Variants in FSTL4 observed in about 807,000 individuals in gnomAD.
The protein encoded by FSTL4 is follistatin like 4.
Under a neutral mutation model 78.2 loss-of-function variants are expected in FSTL4, and 28 were observed. That is an observed-to-expected ratio of 0.36 (90% CI 0.27 to 0.49). The LOEUF is 0.49. FSTL4 is among the 20% of genes least tolerant of loss of function. The pLI is 0.98. For missense variants in FSTL4, 922 were observed against 1,084.9 expected (o/e 0.85, Z 2.11); for synonymous variants, 422 against 440.5 (o/e 0.96, Z 0.53).
At chr5:133,754,675 A>T in the FSTL4 span, among the ~76,000 whole-genome samples, 2 of 152,178 alleles carry the variant, frequency 1.3e-5, no homozygotes, top group Non-Finnish European at 2.9e-5. Context: ...ATAAACACCA[A>T]GCCCAAGAGA....
chr5:133,239,175 C>T (rs1177478555), intron 7 of FSTL4, among the ~76,000 whole-genome samples: 3 of 152,176 alleles, frequency 2.0e-5, no homozygotes, highest in African/African-American at 7.2e-5. Context: ...TTAGCTGCCT[C>T]CCTGCGGGGC....
chr5:133,293,903 C>T (rs1233635405), intron 6 of FSTL4, among the ~76,000 whole-genome samples: 2 of 152,230 alleles, frequency 1.3e-5, no homozygotes, highest in South Asian at 2.1e-4. Flanking sequence ...TTGCTGTTAT[C>T]GTTCTAATCC....
the FSTL4 span, among the ~76,000 whole-genome samples, chr5:133,657,775 G>T: frequency 0.12 from 15,269 of 132,576 alleles, 852 homozygotes; most frequent in South Asian, 0.17. Context: ...TGTTTTTTTT[G>T]TTTTTTTTTT....
chr5:133,727,995 G>A, the FSTL4 span, among the ~76,000 whole-genome samples: 54 of 152,302 alleles, frequency 3.5e-4, no homozygotes, highest in African/African-American at 1.3e-3. Flanking sequence ...GGCCCTTTGT[G>A]CATATAAGGA....
Position 133,567,355 on chromosome 5 carries a change from T to C in FSTL4, c.127-136A>G, listed in dbSNP as rs573357451. On this transcript the variant is annotated intron_variant, in intron 2 of 15. Transcript: ENST00000265342. Reference sequence around the variant, plus strand: ...ACGAAGAACATGACACTGAGCAATGTTGGTCTACTAAACTCTCAACATGTA... The same window carrying C: ...ACGAAGAACATGACACTGAGCAATGCTGGTCTACTAAACTCTCAACATGTA... 189 of 703,256 alleles carry C rather than the reference T, an allele frequency of 2.7e-4. 1 individual carries two copies. The South Asian group carries it at 3.1e-3, about 11-fold the overall frequency. 43.6% of individuals were successfully genotyped at this position (703,256 alleles called of 1,614,324 possible).
intron 3 of FSTL4, among the ~76,000 whole-genome samples, chr5:133,473,532 AG>A (rs1757867887): frequency 6.6e-6 from 1 of 152,190 alleles, no homozygotes; most frequent in Admixed American, 6.5e-5. Context: ...GGGGGTCAAG[AG>A]GTTATTAGGC....
chr5:133,654,388 A>C, the FSTL4 span, among the ~76,000 whole-genome samples: 1 of 152,212 alleles, frequency 6.6e-6, no homozygotes, highest in Admixed American at 6.5e-5. Context: ...CCAAGGCATG[A>C]AACAGGGATT....
rs1351492112 is a variant in FSTL4 at position 133,361,262 on chromosome 5, T to A, written c.409+39476A>T. ...AGAGCTTTCTAATGACTTGGTATTG[T>A]CTCTGGATGAAAACCATCCTGGGAG... On this transcript the variant is annotated intron_variant, in intron 4 of 15. Coordinates refer to ENST00000265342, the MANE Select transcript of FSTL4 (RefSeq NM_015082.2). This position sits in a 1 kb window ranked among gnomAD's most constrained non-coding sequence, Gnocchi z 4.3. Among the ~76,000 whole-genome samples, 1 of 152,344 alleles carries A rather than the reference T, an allele frequency of 6.6e-6. No homozygotes were observed. Among genetic ancestry groups the A allele is most frequent in the East Asian group, 1.9e-4 (1 of 5,192 alleles).
intron 4 of FSTL4, among the ~76,000 whole-genome samples, chr5:133,395,986 C>T (rs977086105): frequency 1.3e-5 from 2 of 152,190 alleles, no homozygotes; most frequent in African/African-American, 4.8e-5. Flanking sequence ...TGGCTCCTTA[C>T]ATCTCTTAGC....
intron 12 of FSTL4, among the ~76,000 whole-genome samples, chr5:133,219,265 A>C (rs1218535303): frequency 6.6e-6 from 1 of 152,094 alleles, no homozygotes; most frequent in Non-Finnish European, 1.5e-5. Flanking sequence ...TGGTTCTCTC[A>C]TGCCACCCCC....
chr5:133,537,573 T>A (rs895830383), intron 3 of FSTL4, among the ~76,000 whole-genome samples: 1 of 152,128 alleles, frequency 6.6e-6, no homozygotes, highest in Non-Finnish European at 1.5e-5. Context: ...AATTTTCATA[T>A]TGTTTATTTC....
the FSTL4 span, among the ~76,000 whole-genome samples, chr5:133,764,970 A>G: frequency 6.6e-6 from 1 of 152,256 alleles, no homozygotes; most frequent in Non-Finnish European, 1.5e-5. Context: ...TACGTGGGGT[A>G]ACAATTTTCT....
At chr5:133,455,965 G>A (rs1757478545) in intron 3 of FSTL4, among the ~76,000 whole-genome samples, 1 of 152,258 alleles carries the variant, frequency 6.6e-6, no homozygotes, top group Non-Finnish European at 1.5e-5. Flanking sequence ...AGGTCTGACA[G>A]TCGCCGAATA....
intron 6 of FSTL4, among the ~76,000 whole-genome samples, chr5:133,288,336 A>G (rs1753184210): frequency 6.6e-6 from 1 of 152,096 alleles, no homozygotes. Flanking sequence ...GGGGTCCCCC[A>G]TGGTGGGACA....
At chr5:133,376,071 C>T (rs1349809495) in intron 4 of FSTL4, among the ~76,000 whole-genome samples, 1 of 152,200 alleles carries the variant, frequency 6.6e-6, no homozygotes, top group Non-Finnish European at 1.5e-5. Flanking sequence ...GTGCACTTGA[C>T]AAGCTGAATC....
chr5:133,274,873 A>C (rs530364988), intron 6 of FSTL4, among the ~76,000 whole-genome samples: 14 of 152,342 alleles, frequency 9.2e-5, no homozygotes, highest in South Asian at 4.1e-4. Context: ...TTGGGTGCCA[A>C]CTGTATACCT....
At chr5:133,560,053 A>G (rs1481355675) in intron 3 of FSTL4, among the ~76,000 whole-genome samples, 1 of 152,200 alleles carries the variant, frequency 6.6e-6, no homozygotes, top group Non-Finnish European at 1.5e-5. Flanking sequence ...TGTGTCAGGG[A>G]CAGGGGACCC....
At chr5:133,434,161 C>T (rs1041706259) in intron 3 of FSTL4, among the ~76,000 whole-genome samples, 2 of 152,042 alleles carry the variant, frequency 1.3e-5, no homozygotes, top group African/African-American at 4.8e-5. Flanking sequence ...GTGGCTTTGA[C>T]TAGGGCATAG....
chr5:133,277,482 C>T (rs1388079472), intron 6 of FSTL4, among the ~76,000 whole-genome samples: 2 of 152,154 alleles, frequency 1.3e-5, no homozygotes, highest in African/African-American at 4.8e-5. Context: ...GAGCTGTGCA[C>T]TTTTCTATGT....
Sources: gnomAD v4.1 joint callset for allele counts (sites outside exome capture counted in the v4.1 genomes callset) on GRCh38, gnomAD v4.1.1 for gene constraint, Gnocchi (gnomAD v3.1) non-coding constraint, MANE v1.5 for transcripts, NCBI Gene and HGNC (gene_info 2026-07-23, HGNC 2026-07-21) for gene names.